Variants in PPP2R2D observed in about 807,000 individuals in gnomAD.
PPP2R2D encodes the protein protein phosphatase 2 regulatory subunit Bdelta, also known as serine/threonine-protein phosphatase 2A 55 kDa regulatory subunit B delta isoform.
In PPP2R2D, 9 loss-of-function variants were observed where a neutral mutation model predicts 31.1. The observed-to-expected ratio is 0.29, with a 90% CI of 0.17 to 0.51. The LOEUF (loss-of-function observed/expected upper bound fraction) is 0.51, where lower values mean the gene tolerates loss of function less well. PPP2R2D is among the 20% of genes least tolerant of loss of function. PPP2R2D has a pLI of 0.98. For synonymous variants in PPP2R2D, 179 were observed against 172.6 expected, an observed-to-expected ratio of 1.04 and a Z score of -0.29; for missense variants, 391 against 465.6, an observed-to-expected ratio of 0.84 and a Z score of 1.48.
chr10:131,956,712 GA>G lies in PPP2R2D; in HGVS notation c.*751del. On this transcript the variant is annotated 3_prime_UTR_variant, in exon 9 of 9. Transcript: ENST00000455566. ...AGCTGCTGCCCGCTGTGTTTCTGTAGAAGTAGCCCATCAGATACACCAGGTA... is the reference window on the plus strand; with the variant it reads ...AGCTGCTGCCCGCTGTGTTTCTGTAGAGTAGCCCATCAGATACACCAGGTA... 1 of 363,348 alleles carries G rather than the reference GA, an allele frequency of 2.8e-6. No homozygotes were observed. The allele number at this position is 363,348 out of a possible 1,614,324, so 22.5% of individuals were successfully genotyped here.
intron 8 of PPP2R2D, among the ~76,000 whole-genome samples, chr10:131,953,536 G>A (rs1354934369): frequency 7.1e-6 from 1 of 140,996 alleles, no homozygotes. Context: ...GGGTTTCACT[G>A]TCTTAGCAGT....
Position 131,902,979 on chromosome 10 carries a change from T to C in PPP2R2D, c.100+1649T>C, listed in dbSNP as rs2035525615. On this transcript the variant is annotated intron_variant, in intron 2 of 8. Coordinates refer to ENST00000455566, the MANE Select transcript of PPP2R2D (RefSeq NM_018461.5). ...GTTGCCCAGGCTGGTCTTGAACTCC[T>C]GGGCTCAAGTGGTCTGCCCACGTCA... Among the ~76,000 whole-genome samples the C allele has an allele frequency of 2.6e-5, 4 of 152,092 alleles. No individual in the cohort carries two copies. In the South Asian group the frequency reaches 8.3e-4, roughly 32 times the overall value.
At chr10:131,944,659 G>T (rs553422634) in intron 6 of PPP2R2D, among the ~76,000 whole-genome samples, 2 of 152,284 alleles carry the variant, frequency 1.3e-5, no homozygotes. Context: ...CCTCTCCAGG[G>T]TCCCTGCCGT....
At chr10:131,937,018 T>C (rs1354601369) in intron 3 of PPP2R2D, among the ~76,000 whole-genome samples, 1 of 152,222 alleles carries the variant, frequency 6.6e-6, no homozygotes, top group African/African-American at 2.4e-5. Context: ...GTGAAGCTGC[T>C]GCCCATCAAG....
At chr10:131,934,888 A>G (rs1554896237) in intron 3 of PPP2R2D, 2 of 462,934 alleles carry the variant, frequency 4.3e-6, no homozygotes, top group Non-Finnish European at 4.3e-6. Flanking sequence ...TTATACGCCT[A>G]TGCAGGTACT....
At chr10:131,914,971 C>CGT (rs2119762145) in intron 2 of PPP2R2D, among the ~76,000 whole-genome samples, 1 of 152,236 alleles carries the variant, frequency 6.6e-6, no homozygotes, top group South Asian at 2.1e-4. Context: ...TTTTTCTCTC[C>CGT]GTGCACCCCT....
At position 131,904,981 on chromosome 10, in the gene PPP2R2D, A is replaced by ACC. The variant is rs1280502998; in HGVS notation, c.100+3656_100+3657dup. 1.7e-4 allele frequency among the ~76,000 whole-genome samples: 16 copies of ACC among 96,246 alleles called. 1 individual carries two copies. Among genetic ancestry groups the ACC allele is most frequent in the Middle Eastern group, 4.9e-3 (1 of 206 alleles). The allele number at this position is 96,246 out of a possible 152,430, so 63.1% of individuals were successfully genotyped here. ...CTATGTAAAATTTGATGCGCACCCC[A>ACC]CCCCCCTTTTTTTTTTAAAAGAATT... On this transcript the variant is annotated intron_variant, in intron 2 of 8. Coordinates refer to ENST00000455566, the MANE Select transcript of PPP2R2D (RefSeq NM_018461.5).
At chr10:131,937,482 G>C (rs1247499256) in intron 3 of PPP2R2D, among the ~76,000 whole-genome samples, 1 of 151,516 alleles carries the variant, frequency 6.6e-6, no homozygotes, top group Non-Finnish European at 1.5e-5. Flanking sequence ...TCCCCATGAG[G>C]CTTCCTTTAG....
chr10:131,907,694 G>C (rs1409113116), intron 2 of PPP2R2D, among the ~76,000 whole-genome samples: 1 of 149,880 alleles, frequency 6.7e-6, no homozygotes, highest in Non-Finnish European at 1.5e-5. Flanking sequence ...AGTGAGCGGA[G>C]ATCACGCCAC....
chr10:131,922,524 C>T (rs1035484760), intron 2 of PPP2R2D, among the ~76,000 whole-genome samples: 21 of 150,472 alleles, frequency 1.4e-4, no homozygotes, highest in Non-Finnish European at 1.9e-4. Flanking sequence ...TTGATCTCAG[C>T]TCACTGCAGC....
intron 2 of PPP2R2D, among the ~76,000 whole-genome samples, chr10:131,919,412 GAC>G (rs1554893882): frequency 8.5e-6 from 1 of 117,992 alleles, no homozygotes. Flanking sequence ...CAGGTGGAAT[GAC>G]ACAGTCTTTG....
At chr10:131,951,205 AC>A (rs1455633008) in intron 8 of PPP2R2D, among the ~76,000 whole-genome samples, 3 of 152,238 alleles carry the variant, frequency 2.0e-5, no homozygotes, top group African/African-American at 7.2e-5. Flanking sequence ...CAGTGGTCTT[AC>A]CCAGTACCCT....
chr10:131,945,511 G>A lies in PPP2R2D; in HGVS notation c.820+52G>A, dbSNP rs781836746. 10 of 1,547,428 alleles carry A rather than the reference G, an allele frequency of 6.5e-6. No homozygotes were observed. The highest frequency in any genetic ancestry group is 2.3e-5 in the East Asian group (1 of 43,364). ...GTCTGGCTCTGTCACCCAGGCTGCG[G>A]TGCAGTGACACAGTCTCGGCTCACG... On this transcript the variant is annotated intron_variant, in intron 7 of 8. Transcript: ENST00000455566. This position sits in a 1 kb window ranked among gnomAD's most constrained non-coding sequence, Gnocchi z 4.8.
intron 2 of PPP2R2D, among the ~76,000 whole-genome samples, chr10:131,905,471 T>C (rs1001086449): frequency 1.3e-5 from 2 of 152,200 alleles, no homozygotes; most frequent in East Asian, 3.8e-4. Context: ...CATCCTTTGC[T>C]TCTCTCTCTG....
Position 131,945,687 on chromosome 10 carries a change from G to A in PPP2R2D, c.820+228G>A. 1.9e-6 allele frequency: 1 copy of A among 513,212 alleles called. No homozygotes were observed. Among genetic ancestry groups the A allele is most frequent in the Non-Finnish European group, 3.4e-6 (1 of 293,310 alleles). 31.8% of individuals were successfully genotyped at this position (513,212 alleles called of 1,614,324 possible). The stretch of plus-strand genomic sequence containing the variant: ...GTTGACCAGACTGGTCTGACCTCAG[G>A]TGATCCCCCTACCTCGGCCTCCCAA... On this transcript the variant is annotated intron_variant, in intron 7 of 8. Transcript: ENST00000455566. This position sits in a 1 kb window ranked among gnomAD's most constrained non-coding sequence, Gnocchi z 4.8.
At chr10:131,961,877 A>G (rs1182871044), downstream of PPP2R2D, among the ~76,000 whole-genome samples, 4 of 150,880 alleles carry the variant, frequency 2.7e-5, no homozygotes, top group African/African-American at 9.7e-5. Context: ...CTCCCACCCC[A>G]TCTGCTCCCA....
At chr10:131,903,980 G>A (rs1358844496) in intron 2 of PPP2R2D, among the ~76,000 whole-genome samples, 2 of 152,110 alleles carry the variant, frequency 1.3e-5, no homozygotes, top group African/African-American at 4.8e-5. Flanking sequence ...GAGGCGGGTG[G>A]ATCACTTGAG....
chr10:131,962,258 C>T (rs538712561), downstream of PPP2R2D, among the ~76,000 whole-genome samples: 1 of 152,312 alleles, frequency 6.6e-6, no homozygotes, highest in South Asian at 2.1e-4. Flanking sequence ...AACCGCGTTT[C>T]GTGAAGTCAT....
intron 2 of PPP2R2D, among the ~76,000 whole-genome samples, chr10:131,908,906 C>T (rs1342036564): frequency 1.3e-5 from 2 of 152,178 alleles, no homozygotes; most frequent in East Asian, 3.9e-4. Flanking sequence ...CGACAGCATA[C>T]CAAAGGGCTG....
Sources: allele counts gnomAD v4.1 joint callset (sites outside exome capture counted in the v4.1 genomes callset), GRCh38; gene constraint gnomAD v4.1.1; non-coding constraint Gnocchi (gnomAD v3.1); transcripts MANE v1.5; gene names NCBI Gene and HGNC (gene_info 2026-07-23, HGNC 2026-07-21).